Variants in RETREG1 observed in about 807,000 individuals in gnomAD.
RETREG1 encodes reticulophagy regulator 1.
RETREG1 carries 44 observed loss-of-function variants against 54.8 expected under a neutral mutation model. That is an observed-to-expected ratio of 0.80 (90% CI 0.63 to 1.03). The LOEUF is 1.03. RETREG1 is among the 50% of genes least tolerant of loss of function. The probability of loss-of-function intolerance (pLI) is 0.00; values close to 1 mark genes in which losing one functional copy is unlikely to be tolerated. For synonymous variants in RETREG1, 217 were observed against 238.5 expected (o/e 0.91, Z 0.83); for missense variants, 554 against 605.1 (o/e 0.92, Z 0.89).
chr5:16,590,802 A>C (rs1489401367), intron 1 of RETREG1, among the ~76,000 whole-genome samples: 1 of 151,664 alleles, frequency 6.6e-6, no homozygotes, highest in East Asian at 1.9e-4. Flanking sequence ...AAACACACAC[A>C]AAAAAACACA....
In RETREG1 at chr5:16,527,101, T is replaced by C. The variant is rs763211260; in HGVS notation, c.458+38662A>G. Among the ~76,000 whole-genome samples the C allele has an allele frequency of 1.0e-3, 153 of 152,206 alleles. 1 individual carries two copies. Among genetic ancestry groups the C allele is most frequent in the Non-Finnish European group, 1.8e-3 (123 of 68,012 alleles). On this transcript the variant is annotated intron_variant, in intron 3 of 8. Coordinates refer to ENST00000306320, the MANE Select transcript of RETREG1 (RefSeq NM_001034850.3). ...TCATCCAGTGCTGCTTCCTTTACCT[T>C]CCCCCGCCAGGTGATGATTCCAAGA...
chr5:16,534,594 C>A (rs934547794), intron 3 of RETREG1, among the ~76,000 whole-genome samples: 1 of 152,218 alleles, frequency 6.6e-6, no homozygotes, highest in Admixed American at 6.5e-5. Context: ...GTGAATGAAT[C>A]AGAAGGGGTA....
Position 16,561,885 on chromosome 5 carries a change from G to A in RETREG1, c.458+3878C>T, listed in dbSNP as rs1376333180. Among the ~76,000 whole-genome samples, 1 of 152,216 alleles carries A rather than the reference G, an allele frequency of 6.6e-6. No homozygotes were observed. Among genetic ancestry groups the A allele is most frequent in the Non-Finnish European group, 1.5e-5 (1 of 68,038 alleles). On this transcript the variant is annotated intron_variant, in intron 3 of 8. Coordinates refer to ENST00000306320, the MANE Select transcript of RETREG1 (RefSeq NM_001034850.3). This position sits in a 1 kb window ranked among gnomAD's most constrained non-coding sequence, Gnocchi z 4.2. ...GTCTCAGTAAATCTGAAAGAACCCT[G>A]AGTCAAAGAGCATGGAGTGCTTTTT...
At chr5:16,533,609 C>T (rs1740976498) in intron 3 of RETREG1, among the ~76,000 whole-genome samples, 1 of 152,112 alleles carries the variant, frequency 6.6e-6, no homozygotes, top group Non-Finnish European at 1.5e-5. Flanking sequence ...AGAATTCACA[C>T]CCCCATGGGT....
intron 3 of RETREG1, among the ~76,000 whole-genome samples, chr5:16,509,895 G>A (rs184435612): frequency 1.3e-5 from 2 of 152,270 alleles, no homozygotes; most frequent in Non-Finnish European, 2.9e-5. Context: ...TTGGGAGGCT[G>A]GAGTGAGAGA....
At chr5:16,494,767 T>C (rs766756220) in intron 3 of RETREG1, among the ~76,000 whole-genome samples, 15 of 152,140 alleles carry the variant, frequency 9.9e-5, no homozygotes, top group Non-Finnish European at 1.8e-4. Context: ...TAGAGAAAAT[T>C]GGTACTGAAG....
intron 1 of RETREG1, among the ~76,000 whole-genome samples, chr5:16,613,237 G>A (rs1743399049): frequency 6.6e-6 from 1 of 151,990 alleles, no homozygotes; most frequent in South Asian, 2.1e-4. Flanking sequence ...TGCTGCCATT[G>A]CATCTGTTTA....
intron 1 of RETREG1, among the ~76,000 whole-genome samples, chr5:16,580,042 G>A (rs1407143342): frequency 1.3e-5 from 2 of 152,168 alleles, no homozygotes; most frequent in Non-Finnish European, 2.9e-5. Context: ...ATCCCCAAGG[G>A]TTCTATTTTT....
chr5:16,534,700 G>T (rs1741004560), intron 3 of RETREG1, among the ~76,000 whole-genome samples: 1 of 152,168 alleles, frequency 6.6e-6, no homozygotes, highest in Admixed American at 6.5e-5. Context: ...CTTTCCAAGG[G>T]AGACTCATCA....
intron 1 of RETREG1, among the ~76,000 whole-genome samples, chr5:16,614,277 A>T (rs962774964): frequency 4.6e-5 from 7 of 152,248 alleles, no homozygotes; most frequent in African/African-American, 1.7e-4. Context: ...ATGTTACAGA[A>T]ATTAGGCTAA....
In RETREG1 at chr5:16,483,360, G is replaced by A. The variant is rs941182270; in HGVS notation, c.571C>T (p.Gln191Ter). 1.9e-6 allele frequency: 3 copies of A among 1,613,258 alleles called. No homozygotes were observed. The highest frequency in any genetic ancestry group is 1.7e-6 in the Non-Finnish European group (2 of 1,179,340). Residue 191 changes from glutamine to a stop codon, truncating the protein, a stop_gained, in exon 4 of 9, where the codon CAG (glutamine) becomes TAG (stop). Transcript: ENST00000306320. LOFTEE classifies it high-confidence loss of function. ...FLQEMSLFKQ[Q>*]SPGKFCLLVC... ...GGAAAACTTGCCTTGCCAGGGCTCTGCTGTTTAAAAAGAGACATTTCTTGA... is the reference window on the plus strand; with the variant it reads ...GGAAAACTTGCCTTGCCAGGGCTCTACTGTTTAAAAAGAGACATTTCTTGA...
rs116812476 is a variant in RETREG1 at position 16,597,283 on chromosome 5, A to G, written c.320+19369T>C. ...CTACCTCCTCCAACAGTTGTTATGT[A>G]TATGGAGTAAGAGACACTACAGGTG... On this transcript the variant is annotated intron_variant, in intron 1 of 8. Coordinates refer to ENST00000306320, the MANE Select transcript of RETREG1 (RefSeq NM_001034850.3). The surrounding 1 kb of genome is among the most constrained non-coding windows in gnomAD (Gnocchi z 4.3). Among the ~76,000 whole-genome samples, 1,705 of 152,338 alleles carry G rather than the reference A, an allele frequency of 0.011. 36 individuals are homozygous for G. The highest frequency in any genetic ancestry group is 0.039 in the African/African-American group (1,605 of 41,572).
chr5:16,576,302 T>C (rs1453091274), intron 1 of RETREG1, among the ~76,000 whole-genome samples: 1 of 148,952 alleles, frequency 6.7e-6, no homozygotes, highest in African/African-American at 2.5e-5. Flanking sequence ...TTCTTTTTTT[T>C]TTTTTTTTTG....
chr5:16,545,161 G>T (rs941819641), intron 3 of RETREG1, among the ~76,000 whole-genome samples: 1 of 152,126 alleles, frequency 6.6e-6, no homozygotes, highest in Non-Finnish European at 1.5e-5. Context: ...TCCAGCTCGG[G>T]TTCCCCTACA....
chr5:16,543,520 A>G (rs1741303316), intron 3 of RETREG1, among the ~76,000 whole-genome samples: 1 of 152,134 alleles, frequency 6.6e-6, no homozygotes, highest in East Asian at 1.9e-4. Context: ...TAGTAAAAAT[A>G]CAAAAATTAG....
In RETREG1 at chr5:16,475,161, T is replaced by C. The variant is rs769687039; in HGVS notation, c.1074A>G (p.Gly358=). The C allele has an allele frequency of 7.4e-6, 12 of 1,613,902 alleles. No homozygotes were observed. The South Asian group carries it at 1.3e-4, about 18-fold the overall frequency. ...SDFPSLENGM[G]TNDEDELSLG... is the part of the protein sequence containing the mutation. Reference sequence around the variant, plus strand: ...GGCTTAATTCATCTTCATCATTTGTTCCCATGCCATTTTCTAGAGATGGAA... The same window carrying C: ...GGCTTAATTCATCTTCATCATTTGTCCCCATGCCATTTTCTAGAGATGGAA... The change falls in exon 9 of 9, where the codon GGA becomes GGG. Residue 358 remains glycine, a synonymous_variant. Transcript: ENST00000306320.
At chr5:16,579,191 G>A (rs1207704024) in intron 1 of RETREG1, among the ~76,000 whole-genome samples, 2 of 152,172 alleles carry the variant, frequency 1.3e-5, no homozygotes, top group African/African-American at 4.8e-5. Flanking sequence ...AGTGAGCACA[G>A]GACTGTTCTA....
intron 3 of RETREG1, among the ~76,000 whole-genome samples, chr5:16,564,418 A>G (rs1199187276): frequency 6.6e-6 from 1 of 152,258 alleles, no homozygotes; most frequent in Non-Finnish European, 1.5e-5. Context: ...CACTTGGAGC[A>G]TGAAGCAGAT....
chr5:16,574,066 G>A lies in RETREG1; in HGVS notation c.321-1964C>T, dbSNP rs138324153. Among the ~76,000 whole-genome samples, 671 of 152,138 alleles carry A rather than the reference G, an allele frequency of 4.4e-3. 4 individuals are homozygous for A. Among genetic ancestry groups the A allele is most frequent in the African/African-American group, 0.015 (641 of 41,510 alleles). Reference sequence around the variant, plus strand: ...CCGGCTGGGAAGTTTTTATAGAAGCGGCACTTAACTGGGTCTGGGGAGGTG... The same window carrying A: ...CCGGCTGGGAAGTTTTTATAGAAGCAGCACTTAACTGGGTCTGGGGAGGTG... On this transcript the variant is annotated intron_variant, in intron 1 of 8. Coordinates refer to ENST00000306320, the MANE Select transcript of RETREG1 (RefSeq NM_001034850.3).
Sources: allele counts gnomAD v4.1 joint callset (sites outside exome capture counted in the v4.1 genomes callset), GRCh38; gene constraint gnomAD v4.1.1; non-coding constraint Gnocchi (gnomAD v3.1); transcripts MANE v1.5; gene names NCBI Gene and HGNC (gene_info 2026-07-23, HGNC 2026-07-21).